Variants in ADGRL3 observed in about 807,000 individuals in gnomAD.
The protein encoded by ADGRL3 is adhesion G protein-coupled receptor L3, also known as calcium-independent alpha-latrotoxin receptor 3.
Under a neutral mutation model 153.5 loss-of-function variants are expected in ADGRL3, and 62 were observed. The observed-to-expected ratio is 0.40, with a 90% CI of 0.33 to 0.50. The LOEUF is 0.50. Among genes scored for constraint, ADGRL3 ranks in the 20% least tolerant of loss-of-function variants. The pLI is 0.47. For synonymous variants in ADGRL3, 710 were observed against 672.5 expected (o/e 1.06, Z -0.86); for missense variants, 1,641 against 1,859.4 (o/e 0.88, Z 2.16).
At chr4:61,822,412 T>G (rs2148743180) in intron 9 of ADGRL3, among the ~76,000 whole-genome samples, 1 of 152,302 alleles carries the variant, frequency 6.6e-6, no homozygotes, top group South Asian at 2.1e-4. Context: ...ATTACTTTTT[T>G]ATTCAGACTT....
intron 2 of ADGRL3, among the ~76,000 whole-genome samples, chr4:61,388,199 TG>T (rs2096761893): frequency 6.6e-6 from 1 of 152,166 alleles, no homozygotes; most frequent in Non-Finnish European, 1.5e-5. Flanking sequence ...ACCTTGGGCA[TG>T]GTATCTATCC....
chr4:61,600,520 G>A (rs2099007118), intron 5 of ADGRL3, among the ~76,000 whole-genome samples: 1 of 152,066 alleles, frequency 6.6e-6, no homozygotes, highest in Non-Finnish European at 1.5e-5. Context: ...ATAGGCTTTG[G>A]TTTGGCATCC....
chr4:61,810,855 T>G (rs1311982092), intron 8 of ADGRL3, among the ~76,000 whole-genome samples: 1 of 152,164 alleles, frequency 6.6e-6, no homozygotes, highest in Non-Finnish European at 1.5e-5. Context: ...CTGGCTCAAA[T>G]TCTCTGCTTT....
At chr4:61,418,106 G>C (rs1366238924) in intron 2 of ADGRL3, among the ~76,000 whole-genome samples, 1 of 152,140 alleles carries the variant, frequency 6.6e-6, no homozygotes, top group Non-Finnish European at 1.5e-5. Context: ...CAGTTTCGGT[G>C]CTCTCGCTAG....
At chr4:61,421,141 T>A (rs1193058782) in intron 2 of ADGRL3, among the ~76,000 whole-genome samples, 2 of 152,110 alleles carry the variant, frequency 1.3e-5, no homozygotes, top group Admixed American at 1.3e-4. Context: ...GAGACCATCC[T>A]GGCTAACACG....
At chr4:61,478,317 AT>A (rs1322237461) in intron 2 of ADGRL3, among the ~76,000 whole-genome samples, 2 of 152,092 alleles carry the variant, frequency 1.3e-5, no homozygotes, top group African/African-American at 4.8e-5. Context: ...TGTCAAAGTG[AT>A]TATGGTAATA....
intron 4 of ADGRL3, among the ~76,000 whole-genome samples, chr4:61,564,239 G>A (rs549066857): frequency 1.4e-4 from 21 of 151,842 alleles, no homozygotes; most frequent in African/African-American, 4.6e-4. Flanking sequence ...CTTTCGTTTT[G>A]GGGGGCTTTG....
At chr4:61,217,059 CT>C (rs1306735333) in intron 1 of ADGRL3, among the ~76,000 whole-genome samples, 3 of 152,172 alleles carry the variant, frequency 2.0e-5, no homozygotes, top group African/African-American at 7.2e-5. Flanking sequence ...TTATAATTCA[CT>C]ATTTATTTGT....
rs558236851 is a variant in ADGRL3, at chr4:62,074,187, A to G, written c.*3279A>G. The G allele has an allele frequency of 6.6e-6, 1 of 152,166 alleles. No homozygotes were observed. Among genetic ancestry groups the G allele is most frequent in the South Asian group, 2.1e-4 (1 of 4,826 alleles). The allele number at this position is 152,166 out of a possible 1,614,324, so 9.4% of individuals were successfully genotyped here. On this transcript the variant is annotated 3_prime_UTR_variant, in exon 27 of 27. Transcript: ENST00000683033. ...TGTATATTTTTATGTGTTCATCTGA[A>G]TTTCCAGTAAGAAGTAAATTTCCGT... is the stretch of plus-strand genomic sequence containing the variant.
intron 25 of ADGRL3, among the ~76,000 whole-genome samples, chr4:62,067,784 C>CT (rs1340889553): frequency 6.6e-6 from 1 of 151,982 alleles, no homozygotes; most frequent in Admixed American, 6.6e-5. Context: ...CACGTATACT[C>CT]TAACATACAC....
intron 9 of ADGRL3, among the ~76,000 whole-genome samples, chr4:61,840,245 A>G (rs978011940): frequency 1.3e-5 from 2 of 151,718 alleles, no homozygotes; most frequent in Non-Finnish European, 2.9e-5. Flanking sequence ...ATGTCCGGCT[A>G]ATTTTTGTAT....
chr4:61,403,699 G>A (rs1264355417), intron 2 of ADGRL3, among the ~76,000 whole-genome samples: 1 of 152,054 alleles, frequency 6.6e-6, no homozygotes, highest in Non-Finnish European at 1.5e-5. Flanking sequence ...ACGTGCAGTT[G>A]ATTATCTGGA....
At chr4:61,994,496 G>T (rs2099114994) in intron 19 of ADGRL3, among the ~76,000 whole-genome samples, 1 of 151,028 alleles carries the variant, frequency 6.6e-6, no homozygotes, top group Non-Finnish European at 1.5e-5. Flanking sequence ...ATCTGTTTTG[G>T]TTCAAGGTTT....
intron 2 of ADGRL3, among the ~76,000 whole-genome samples, chr4:61,395,238 T>C (rs1159358406): frequency 6.6e-6 from 1 of 152,002 alleles, no homozygotes; most frequent in Admixed American, 6.6e-5. Context: ...GAATGCTTCT[T>C]CTCATTACAC....
intron 21 of ADGRL3, among the ~76,000 whole-genome samples, chr4:62,014,448 A>G (rs970366059): frequency 5.3e-5 from 8 of 152,320 alleles, no homozygotes; most frequent in Middle Eastern, 3.4e-3. Context: ...TCTAGGAAGT[A>G]TACAAAAATG....
chr4:61,681,468 G>T (rs1467832452), intron 6 of ADGRL3, among the ~76,000 whole-genome samples: 1 of 151,746 alleles, frequency 6.6e-6, no homozygotes, highest in Non-Finnish European at 1.5e-5. Context: ...AGAAAATTGC[G>T]GGGGGAAGTA....
At chr4:61,625,271 A>G (rs2092764551) in intron 5 of ADGRL3, among the ~76,000 whole-genome samples, 2 of 152,054 alleles carry the variant, frequency 1.3e-5, no homozygotes, top group South Asian at 4.1e-4. Flanking sequence ...TGGGTGGGGT[A>G]GGCCATATTG....
At chr4:61,328,164 C>A (rs770760976) in intron 1 of ADGRL3, among the ~76,000 whole-genome samples, 1 of 152,106 alleles carries the variant, frequency 6.6e-6, no homozygotes, top group Non-Finnish European at 1.5e-5. Context: ...TCCAGGATAA[C>A]AGGCATACAC....
intron 24 of ADGRL3, among the ~76,000 whole-genome samples, chr4:62,038,424 C>CTT (rs1726310746): frequency 6.6e-6 from 1 of 152,036 alleles, no homozygotes; most frequent in Non-Finnish European, 1.5e-5. Flanking sequence ...AGTACCTTAC[C>CTT]AGAAAAATTT....
Sources: gnomAD v4.1 joint callset for allele counts (sites outside exome capture counted in the v4.1 genomes callset) on GRCh38, gnomAD v4.1.1 for gene constraint, MANE v1.5 for transcripts, NCBI Gene and HGNC (gene_info 2026-07-23, HGNC 2026-07-21) for gene names.